Variants in SERPINB6 observed in about 807,000 individuals in gnomAD.
SERPINB6 encodes the protein serpin B6.
In SERPINB6, 16 loss-of-function variants were observed where a neutral mutation model predicts 26.1. The observed-to-expected ratio is 0.61, with a 90% CI of 0.42 to 0.93. The LOEUF is 0.93. Ranked by LOEUF, SERPINB6 falls within the 40% of genes least tolerant of loss-of-function variation. The pLI is 0.00. For missense variants in SERPINB6, 420 were observed against 478.0 expected (o/e 0.88, Z 1.13); for synonymous variants, 174 against 176.6 (o/e 0.99, Z 0.11).
chr6:2,971,108 C>CG, intron 1 of SERPINB6: 1 of 1,078,074 alleles, frequency 9.3e-7, no homozygotes, highest in Non-Finnish European at 1.1e-6. Flanking sequence ...CGGGGCCGAC[C>CG]GGGGTCACCT....
chr6:2,949,799 A>G (rs1769573699), intron 5 of SERPINB6, among the ~76,000 whole-genome samples: 1 of 152,138 alleles, frequency 6.6e-6, no homozygotes, highest in Non-Finnish European at 1.5e-5. Context: ...GCAGGAGCTG[A>G]AAGTCCCTAA....
intron 1 of SERPINB6, chr6:2,970,594 A>G: frequency 8.2e-7 from 1 of 1,218,124 alleles, no homozygotes; most frequent in East Asian, 3.2e-5. Flanking sequence ...TAGGCACGAG[A>G]GCATCCCAGA....
chr6:2,962,368 C>G lies in SERPINB6; in HGVS notation c.-10-3026G>C, dbSNP rs562056685. On this transcript the variant is annotated intron_variant, in intron 1 of 6. Transcript: ENST00000380539. ...GTGTCAGGGGATTTAATCTGAAACA[C>G]TGAACTGGAGAAACCAGACCAGGAT... Among the ~76,000 whole-genome samples, 5 of 152,314 alleles carry G rather than the reference C, an allele frequency of 3.3e-5. No homozygotes were observed. In the East Asian group the frequency reaches 5.8e-4, roughly 18 times the overall value.
intron 3 of SERPINB6, chr6:2,954,948 G>T: frequency 2.1e-6 from 1 of 477,428 alleles, no homozygotes; most frequent in Non-Finnish European, 3.8e-6. Context: ...CCAGCACTTT[G>T]GGGGGCCGAG....
Position 2,967,336 on chromosome 6 carries a change from A to C in SERPINB6, c.-11+4197T>G, listed in dbSNP as rs1428223072. ...AGATGTAAAAGCCAAAACTATAAAA[A>C]ACCCTGGAAGACAATCTAGGCAATA... is the stretch of plus-strand genomic sequence containing the variant. On this transcript the variant is annotated intron_variant, in intron 1 of 6. Coordinates refer to ENST00000380539, the MANE Select transcript of SERPINB6 (RefSeq NM_004568.6). The surrounding 1 kb of genome is among the most constrained non-coding windows in gnomAD (Gnocchi z 4.3). The C allele has an allele frequency of 2.0e-6, 1 of 502,216 alleles. No homozygotes were observed. The highest frequency in any genetic ancestry group is 1.5e-4 in the East Asian group (1 of 6,736). The allele number at this position is 502,216 out of a possible 1,614,324, so 31.1% of individuals were successfully genotyped here. A position where few individuals can be genotyped will look rare whatever the true frequency, so the allele number is the denominator to read the frequency against.
intron 2 of SERPINB6, chr6:2,955,905 C>T: frequency 2.2e-6 from 1 of 447,566 alleles, no homozygotes; most frequent in African/African-American, 2.0e-5. Flanking sequence ...GGCAAAACCC[C>T]ATCTCTACTA....
Position 2,949,016 on chromosome 6 carries a change from GGTC to G in SERPINB6, c.624_626del (p.Lys208_Thr209delinsAsn). The G allele has an allele frequency of 6.2e-7, 1 of 1,614,138 alleles. No homozygotes were observed. The highest frequency in any genetic ancestry group is 8.5e-7 in the Non-Finnish European group (1 of 1,180,002). On this transcript the variant is annotated inframe_deletion, in exon 6 of 7. Transcript: ENST00000380539. ...TTTGGGTAAATATTTCTCCTATATA[GGTC>G]TTCTTAAAAGTAGATTGCTTAAACA... is the stretch of plus-strand genomic sequence containing the variant.
At chr6:2,970,624 A>C in intron 1 of SERPINB6, 2 of 1,221,706 alleles carry the variant, frequency 1.6e-6, no homozygotes, top group Non-Finnish European at 2.0e-6. Flanking sequence ...TGCCCAAAAA[A>C]TGGACTCAGA....
At chr6:2,970,504 A>G (rs1772040450) in intron 1 of SERPINB6, 2 of 1,157,338 alleles carry the variant, frequency 1.7e-6, no homozygotes, top group Non-Finnish European at 2.1e-6. Context: ...CTTAACTAGA[A>G]GGTCACTGAA....
chr6:2,971,112 G>A, intron 1 of SERPINB6: 2 of 1,069,834 alleles, frequency 1.9e-6, no homozygotes, highest in Non-Finnish European at 2.3e-6. Context: ...GCCGACCGGG[G>A]TCACCTGTGG....
rs540072895 is a variant in SERPINB6, at chr6:2,948,714, T to C, written c.730-15A>G. 6.8e-6 allele frequency: 11 copies of C among 1,613,436 alleles called. No individual in the cohort carries two copies. The highest frequency in any genetic ancestry group is 9.3e-6 in the Non-Finnish European group (11 of 1,179,404). ...TCTTTCTCCACCTAGAGGGAGACAG[T>C]TGAAGACTTTAAGACCCAGGGTGCT... On this transcript the variant is annotated splice_polypyrimidine_tract_variant and intron_variant, in intron 6 of 6. Coordinates refer to ENST00000380539, the MANE Select transcript of SERPINB6 (RefSeq NM_004568.6). This position sits in a 1 kb window ranked among gnomAD's most constrained non-coding sequence, Gnocchi z 5.0.
In SERPINB6 at chr6:2,948,644, A is replaced by G. The variant is rs1250641984; in HGVS notation, c.785T>C (p.Met262Thr). 2 of 1,614,122 alleles carry G rather than the reference A, an allele frequency of 1.2e-6. No individual in the cohort carries two copies. The highest frequency in any genetic ancestry group is 2.2e-5 in the South Asian group (2 of 91,078). ...KFVEWTRLDMMDEEEVEVSLP... is the reference protein window; with the variant it reads ...KFVEWTRLDMTDEEEVEVSLP... ...GGACACTTCCACCTCCTCTTCATCC[A>G]TCATGTCCAGCCTCGTCCATTCTAC... is the stretch of plus-strand genomic sequence containing the variant. Residue 262 changes from methionine (M) to threonine (T), a missense_variant, in exon 7 of 7, where the codon ATG (methionine) becomes ACG (threonine). Transcript: ENST00000380539. The surrounding 1 kb of genome is among the most constrained non-coding windows in gnomAD (Gnocchi z 5.0).
At chr6:2,949,637 T>C (rs1769553099) in intron 5 of SERPINB6, among the ~76,000 whole-genome samples, 1 of 152,264 alleles carries the variant, frequency 6.6e-6, no homozygotes, top group South Asian at 2.1e-4. Flanking sequence ...CTGTTCCTTC[T>C]GCCTCTGCTG....
Position 2,967,044 on chromosome 6 carries a change from T to C in SERPINB6, c.-11+4489A>G, listed in dbSNP as rs1771707035. Reference sequence around the variant, plus strand: ...CAAGTACAAAACTCTTAGACTGATATCATCTGGGACTTCTCACCTTTCTCC... The same window carrying C: ...CAAGTACAAAACTCTTAGACTGATACCATCTGGGACTTCTCACCTTTCTCC... On this transcript the variant is annotated intron_variant, in intron 1 of 6. Coordinates refer to ENST00000380539, the MANE Select transcript of SERPINB6 (RefSeq NM_004568.6). This position sits in a 1 kb window ranked among gnomAD's most constrained non-coding sequence, Gnocchi z 4.3. 6 of 985,470 alleles carry C rather than the reference T, an allele frequency of 6.1e-6. No homozygotes were observed. The highest frequency in any genetic ancestry group is 1.7e-5 in the African/African-American group (1 of 57,364). 61.0% of individuals were successfully genotyped at this position (985,470 alleles called of 1,614,324 possible).
chr6:2,953,923 G>A (rs1770112786), intron 4 of SERPINB6, among the ~76,000 whole-genome samples: 1 of 152,054 alleles, frequency 6.6e-6, no homozygotes, highest in South Asian at 2.1e-4. Flanking sequence ...CCAACTACTT[G>A]GGAGGTTGAG....
At chr6:2,955,711 GCT>G in intron 2 of SERPINB6, 41 bp from the exon 3 acceptor site, 9 of 1,609,024 alleles carry the variant, frequency 5.6e-6, no homozygotes, top group Non-Finnish European at 7.7e-6. Context: ...ATTCCTGTAT[GCT>G]CTGACTTCAG....
chr6:2,949,439 G>A (rs960898552), intron 5 of SERPINB6, among the ~76,000 whole-genome samples: 2 of 152,132 alleles, frequency 1.3e-5, no homozygotes, highest in African/African-American at 2.4e-5. Flanking sequence ...CCTGTAATGC[G>A]GCACTCCGTA....
intron 4 of SERPINB6, 44 bp from the exon 5 acceptor site, chr6:2,953,230 G>C (rs368067407): frequency 1.2e-6 from 2 of 1,613,274 alleles, no homozygotes; most frequent in Non-Finnish European, 1.7e-6. Context: ...GGGCGGCTGC[G>C]GATCCCCGAC....
chr6:2,960,015 C>T (rs1023170366), intron 1 of SERPINB6: 2 of 164,088 alleles, frequency 1.2e-5, no homozygotes, highest in Non-Finnish European at 2.7e-5. Flanking sequence ...TCACAGCACA[C>T]TCAGGACACC....
Sources: allele counts gnomAD v4.1 joint callset (sites outside exome capture counted in the v4.1 genomes callset), GRCh38; gene constraint gnomAD v4.1.1; non-coding constraint Gnocchi (gnomAD v3.1); transcripts MANE v1.5; gene names NCBI Gene and HGNC (gene_info 2026-07-23, HGNC 2026-07-21).